The following OTUD7B variants were observed in gnomAD, a reference collection of about 807,000 sequenced individuals.
OTUD7B encodes the protein OTU domain-containing protein 7B.
In OTUD7B, 34 loss-of-function variants were observed where a neutral mutation model predicts 82.2. That is an observed-to-expected ratio of 0.41 (90% confidence interval 0.31 to 0.55). The LOEUF is 0.55. OTUD7B is among the 20% of genes least tolerant of loss of function. OTUD7B has a pLI of 0.20. For synonymous variants in OTUD7B, 398 were observed against 402.7 expected (o/e 0.99, Z 0.14); for missense variants, 944 against 1,062.1 (o/e 0.89, Z 1.55).
In OTUD7B at chr1:149,944,046, C is replaced by T; in HGVS notation, c.2343G>A (p.Glu781=). The T allele has an allele frequency of 6.2e-7, 1 of 1,614,204 alleles. No individual in the cohort carries two copies. Among genetic ancestry groups the T allele is most frequent in the Non-Finnish European group, 8.5e-7 (1 of 1,180,024 alleles). The change falls in exon 12 of 12, where the codon GAG becomes GAA. Residue 781 remains glutamate, a synonymous_variant. Transcript: ENST00000581312. ...CAGCCCATCCATCTGGCTCAGGGGG[C>T]TCTCTGTAGCCATTGCTATAGGAAT... ...VADSYSNGYR[E]PPEPDGWAGG...
At chr1:150,048,014 C>T in the OTUD7B span, 1 of 151,996 alleles carries the variant, frequency 6.6e-6, no homozygotes, top group African/African-American at 2.4e-5. Context: ...TTCAATTAAA[C>T]ATTCACATAA....
At chr1:150,037,305 C>T in the OTUD7B span, among the ~76,000 whole-genome samples, 1 of 149,782 alleles carries the variant, frequency 6.7e-6, no homozygotes, top group Admixed American at 6.7e-5. Context: ...AAGAAAAGGA[C>T]TATTTATAGA....
rs782533327 is a variant in OTUD7B, at chr1:149,945,034, G to T, written c.1355C>A (p.Ala452Asp). ...APLAQPESPT[A>D]SAGDEPRSTP... is the part of the protein sequence containing the mutation. ...GGACCGGGGCTCATCTCCAGCTGAG[G>T]CGGTGGGGGACTCAGGCTGGGCCAG... is the stretch of plus-strand genomic sequence containing the variant. Residue 452 changes from alanine (A) to aspartate (D), a missense_variant, in exon 12 of 12, where the codon GCC (alanine) becomes GAC (aspartate). Physicochemically the swap from Ala to Asp is moderately radical, Grantham distance 126. Transcript: ENST00000581312. 6.2e-7 allele frequency: 1 copy of T among 1,614,058 alleles called. No individual in the cohort carries two copies. The highest frequency in any genetic ancestry group is 1.1e-5 in the South Asian group (1 of 91,082).
intron 1 of OTUD7B, 67 bp downstream of exon 1, chr1:150,010,381 C>T (rs1439894959): frequency 6.6e-6 from 1 of 151,966 alleles, no homozygotes; most frequent in Non-Finnish European, 1.5e-5. Context: ...GCAGAGTTTG[C>T]GAGTCTGAGA....
At chr1:150,002,679 T>C (rs1328779681) in intron 1 of OTUD7B, among the ~76,000 whole-genome samples, 1 of 152,234 alleles carries the variant, frequency 6.6e-6, no homozygotes, top group African/African-American at 2.4e-5. Context: ...GACTGAATTC[T>C]AGACTAAGCT....
upstream of OTUD7B, among the ~76,000 whole-genome samples, chr1:150,013,194 C>G (rs1571756365): frequency 6.6e-6 from 1 of 152,224 alleles, no homozygotes; most frequent in East Asian, 1.9e-4. Flanking sequence ...AACTGCTATT[C>G]TGTCCAAAGT....
intron 5 of OTUD7B, 30 bp from the exon 6 acceptor site, chr1:149,964,379 C>A (rs1649374495): frequency 1.9e-6 from 3 of 1,606,170 alleles, no homozygotes; most frequent in East Asian, 4.5e-5. Flanking sequence ...TGGTAAGATA[C>A]CTCAGCTTGA....
intron 1 of OTUD7B, among the ~76,000 whole-genome samples, chr1:150,009,655 C>G (rs1345810320): frequency 3.9e-5 from 6 of 152,054 alleles, no homozygotes; most frequent in African/African-American, 1.4e-4. Context: ...GAGAAGCCAC[C>G]TAGGTTAGAC....
chr1:150,013,787 TG>T (rs1653171129), upstream of OTUD7B, among the ~76,000 whole-genome samples: 1 of 150,402 alleles, frequency 6.6e-6, no homozygotes, highest in Non-Finnish European at 1.5e-5. Context: ...CCAGGCGAGG[TG>T]GCGGGCGCCT....
chr1:150,015,388 G>A (rs781991108), upstream of OTUD7B, among the ~76,000 whole-genome samples: 2 of 147,750 alleles, frequency 1.4e-5, no homozygotes, highest in African/African-American at 2.5e-5. Context: ...CCACCTCCCG[G>A]GTTCAAGCAA....
intron 1 of OTUD7B, among the ~76,000 whole-genome samples, chr1:149,978,135 C>T (rs1365407367): frequency 6.6e-6 from 1 of 152,216 alleles, no homozygotes; most frequent in Non-Finnish European, 1.5e-5. Flanking sequence ...TGAACAATTA[C>T]TATACACTGG....
chr1:149,980,728 T>G (rs1037211057), intron 1 of OTUD7B, among the ~76,000 whole-genome samples: 1 of 151,246 alleles, frequency 6.6e-6, no homozygotes, highest in Non-Finnish European at 1.5e-5. Flanking sequence ...AACAAAAAGT[T>G]TGGGCTGGGC....
In OTUD7B at chr1:149,954,891, C is replaced by T. The variant is rs1009566807; in HGVS notation, c.846-4670G>A. Among the ~76,000 whole-genome samples, 6 of 152,064 alleles carry T rather than the reference C, an allele frequency of 3.9e-5. No individual in the cohort carries two copies. In the East Asian group the frequency reaches 9.6e-4, roughly 24 times the overall value. On this transcript the variant is annotated intron_variant, in intron 7 of 11. Coordinates refer to ENST00000581312, the MANE Select transcript of OTUD7B (RefSeq NM_020205.4). ...TTTCTGTGGGATCGGTGGTGATATG[C>T]CCTTTATCATTTTTTATTGTGTCTA...
At chr1:149,949,825 G>C (rs782169286) in intron 8 of OTUD7B, 47 bp from the exon 9 acceptor site, 2 of 1,578,636 alleles carry the variant, frequency 1.3e-6, no homozygotes, top group Non-Finnish European at 1.7e-6. Context: ...TTTCTGCCTA[G>C]TGGACAATCC....
the OTUD7B span, among the ~76,000 whole-genome samples, chr1:150,021,028 G>A: frequency 1.3e-5 from 2 of 152,110 alleles, no homozygotes; most frequent in East Asian, 1.9e-4. Context: ...CTTCTAATAC[G>A]ACAAAAGCAA....
At chr1:149,971,414 T>C (rs1200403616) in intron 2 of OTUD7B, among the ~76,000 whole-genome samples, 163 bp from the exon 3 acceptor site, 3 of 152,192 alleles carry the variant, frequency 2.0e-5, no homozygotes, top group East Asian at 3.8e-4. Flanking sequence ...TCAATCTAAC[T>C]TATCAAATGT....
rs1423488500 is a variant in OTUD7B at position 149,940,145 on chromosome 1, G to GT, written c.*3711dup. The GT allele has an allele frequency of 6.6e-5, 10 of 151,938 alleles. No homozygotes were observed. The highest frequency in any genetic ancestry group is 2.4e-4 in the African/African-American group (10 of 41,368). The allele number at this position is 151,938 out of a possible 1,614,324, so 9.4% of individuals were successfully genotyped here. ...AACCAGCTTTATTCTTTTGGGCTCA[G>GT]TATCACCCCGCAGATATACAACACG... On this transcript the variant is annotated 3_prime_UTR_variant, in exon 12 of 12. Transcript: ENST00000581312.
At chr1:150,042,420 C>A in the OTUD7B span, among the ~76,000 whole-genome samples, 2 of 151,786 alleles carry the variant, frequency 1.3e-5, no homozygotes, top group African/African-American at 4.8e-5. Context: ...TGATCCGCCC[C>A]CGCTCAGCCT....
intron 1 of OTUD7B, among the ~76,000 whole-genome samples, chr1:149,984,491 C>T (rs782135888): frequency 6.6e-6 from 1 of 152,126 alleles, no homozygotes; most frequent in Non-Finnish European, 1.5e-5. Context: ...GTGTCTTGGT[C>T]GTCTTTGTGG....
Sources: gnomAD v4.1 joint callset for allele counts (sites outside exome capture counted in the v4.1 genomes callset) on GRCh38, gnomAD v4.1.1 for gene constraint, MANE v1.5 for transcripts, NCBI Gene and HGNC (gene_info 2026-07-23, HGNC 2026-07-21) for gene names.